DCHS1: variants seen among roughly 807,000 people sequenced by gnomAD.
DCHS1 encodes protocadherin-16.
DCHS1 carries 78 observed loss-of-function variants against 213.9 expected under a neutral mutation model. That is an observed-to-expected ratio of 0.36 (90% CI 0.30 to 0.44). The LOEUF (loss-of-function observed/expected upper bound fraction) is 0.44, where lower values mean the gene tolerates loss of function less well. Among genes scored for constraint, DCHS1 ranks in the 20% least tolerant of loss-of-function variants. The pLI, the probability that DCHS1 is intolerant of heterozygous loss-of-function variation, is 1.00. For synonymous variants in DCHS1, 1,828 were observed against 1,873.7 expected (o/e 0.98, Z 0.63); for missense variants, 3,946 against 4,395.9 (o/e 0.90, Z 2.89).
chr11:6,627,587 C>T lies in DCHS1; in HGVS notation c.5452G>A (p.Glu1818Lys), dbSNP rs1855831942. ...GTMRPLDREV[E>K]PAFQLRIEAR... The stretch of plus-strand genomic sequence containing the variant: ...TCTATCCTCAGCTGGAAAGCTGGCT[C>T]CACTTCTCTGTCTAGTGGCCGCATG... The change falls in exon 14 of 21, where the codon GAG becomes AAG. Residue 1818 changes from glutamate (E) to lysine (K), a missense_variant. Around this residue, in one of 3 missense-constraint regions of DCHS1, gnomAD observed 3,384 missense variants for 3,780.1 expected, o/e 0.90. Transcript: ENST00000299441. The surrounding 1 kb of genome is among the most constrained non-coding windows in gnomAD (Gnocchi z 5.4). 6.2e-7 allele frequency: 1 copy of T among 1,612,964 alleles called. No homozygotes were observed. Among genetic ancestry groups the T allele is most frequent in the Non-Finnish European group, 8.5e-7 (1 of 1,179,750 alleles).
intron 12 of DCHS1, among the ~76,000 whole-genome samples, chr11:6,629,099 C>G (rs1281613077): frequency 6.6e-6 from 1 of 152,188 alleles, no homozygotes; most frequent in African/African-American, 2.4e-5. Flanking sequence ...GTTCAAGTCC[C>G]AGCCCTGCCA....
chr11:6,626,229 C>T lies in DCHS1; in HGVS notation c.6516G>A (p.Leu2172=). 1 of 1,611,994 alleles carries T rather than the reference C, an allele frequency of 6.2e-7. No homozygotes were observed. The highest frequency in any genetic ancestry group is 8.5e-7 in the Non-Finnish European group (1 of 1,179,084). ...QDANDNAPRF[L]RPHYVAFLPE... Reference sequence around the variant, plus strand: ...GAAGGAAGGCCACATAATGGGGCCGCAGGAAACGGGGAGCATTGTCGTTGG... The same window carrying T: ...GAAGGAAGGCCACATAATGGGGCCGTAGGAAACGGGGAGCATTGTCGTTGG... Residue 2172 remains leucine (L), a synonymous_variant, in exon 16 of 21, where the codon CTG becomes CTA. Transcript: ENST00000299441. This position sits in a 1 kb window ranked among gnomAD's most constrained non-coding sequence, Gnocchi z 5.2.
chr11:6,639,685 A>T, intron 2 of DCHS1, 132 bp downstream of exon 2: 1 of 778,376 alleles, frequency 1.3e-6, no homozygotes, highest in Non-Finnish European at 2.0e-6. Context: ...TGGAGCTTAC[A>T]ACATAGGGCA....
Position 6,631,705 on chromosome 11 carries a change from T to C in DCHS1, c.3586A>G (p.Thr1196Ala). Reference sequence around the variant, plus strand: ...AGGTCAAGCACTGCAACATGCACAGTGCCTGTGGTGCTGCGGGGTGGGCTC... The same window carrying C: ...AGGTCAAGCACTGCAACATGCACAGCGCCTGTGGTGCTGCGGGGTGGGCTC... ...GGSPPRSTTG[T>A]VHVAVLDLND... Residue 1196 changes from threonine (T) to alanine (A), a missense_variant, in exon 7 of 21, where the codon ACT (threonine) becomes GCT (alanine). Thr to Ala is a moderately conservative substitution (Grantham distance 58). Coordinates refer to ENST00000299441, the MANE Select transcript of DCHS1 (RefSeq NM_003737.4). The C allele has an allele frequency of 6.2e-7, 1 of 1,610,802 alleles. No homozygotes were observed.
In DCHS1 at chr11:6,630,107, C is replaced by G. The variant is rs781737138; in HGVS notation, c.4687G>C (p.Ala1563Pro). ...RLPEDQPPGP[A>P]ALHVVARDPD... ...TCCCGGGCTACCACGTGCAGGGCCGCGGGCCCAGGCGGCTGGTCCTCTGGG... is the reference window on the plus strand; with the variant it reads ...TCCCGGGCTACCACGTGCAGGGCCGGGGGCCCAGGCGGCTGGTCCTCTGGG... The change falls in exon 10 of 21, where the codon GCG becomes CCG. Residue 1563 changes from alanine to proline, a missense_variant. Ala to Pro is a conservative substitution (Grantham distance 27). Coordinates refer to ENST00000299441, the MANE Select transcript of DCHS1 (RefSeq NM_003737.4). The G allele has an allele frequency of 2.2e-5, 35 of 1,602,732 alleles. No homozygotes were observed. The Admixed American group carries it at 5.9e-4, about 27-fold the overall frequency.
intron 1 of DCHS1, among the ~76,000 whole-genome samples, chr11:6,652,705 G>A (rs148641835): frequency 6.8e-4 from 104 of 152,318 alleles, no homozygotes; most frequent in African/African-American, 1.9e-3. Flanking sequence ...AGAGGATGCA[G>A]ATAAAATTTG....
In DCHS1 at chr11:6,628,728, T is replaced by C. The variant is rs1293027083; in HGVS notation, c.5264A>G (p.His1755Arg). The change falls in exon 13 of 21, where the codon CAT becomes CGT. Residue 1755 changes from histidine to arginine, a missense_variant. Around this residue, in one of 3 missense-constraint regions of DCHS1, gnomAD observed 3,384 missense variants for 3,780.1 expected, o/e 0.90. Transcript: ENST00000299441. The surrounding 1 kb of genome is among the most constrained non-coding windows in gnomAD (Gnocchi z 4.3). ...NDHAPTFGSA[H>R]LSLEVPEGQD... ...GCCCTCAGGCACCTCCAGAGAGAGA[T>C]GGGCACTCCCAAAGGTTGGTGCATG... is the stretch of plus-strand genomic sequence containing the variant. The C allele has an allele frequency of 5.0e-6, 8 of 1,613,896 alleles. No homozygotes were observed. The highest frequency in any genetic ancestry group is 1.3e-5 in the African/African-American group (1 of 74,918).
rs141286088 is a variant in DCHS1 at position 6,632,230 on chromosome 11, G to T, written c.3282C>A (p.Ser1094Arg). 1 of 1,613,556 alleles carries T rather than the reference G, an allele frequency of 6.2e-7. No individual in the cohort carries two copies. The highest frequency in any genetic ancestry group is 1.3e-5 in the African/African-American group (1 of 75,030). ...GACTGTGTTCATTCTGGTTGAGGAT[G>T]CTGACCCTCACGGTGGCTGTGCCTG... ...QQTGTATVRV[S>R]ILNQNEHSPR... The change falls in exon 6 of 21, where the codon AGC (serine) becomes AGA (arginine). Residue 1094 changes from serine to arginine, a missense_variant. Physicochemically the swap from Ser to Arg is moderately radical, Grantham distance 110 (BLOSUM62 -1). This residue lies in a region of DCHS1 where 3,384 missense variants were observed against 3,780.1 expected (regional missense o/e 0.90). Coordinates refer to ENST00000299441, the MANE Select transcript of DCHS1 (RefSeq NM_003737.4). The surrounding 1 kb of genome is among the most constrained non-coding windows in gnomAD (Gnocchi z 5.9).
At position 6,630,835 on chromosome 11, in the gene DCHS1, G is replaced by A. The variant is rs1307973894; in HGVS notation, c.3959C>T (p.Pro1320Leu). The A allele has an allele frequency of 6.5e-7, 1 of 1,528,906 alleles. No individual in the cohort carries two copies. The highest frequency in any genetic ancestry group is 8.8e-7 in the Non-Finnish European group (1 of 1,134,028). 94.7% of individuals were successfully genotyped at this position (1,528,906 alleles called of 1,614,324 possible). A position where few individuals can be genotyped will look rare whatever the true frequency, so the allele number is the denominator to read the frequency against. The change falls in exon 10 of 21, where the codon CCG (proline) becomes CTG (leucine). Residue 1320 changes from proline to leucine, a missense_variant. This residue lies in a region of DCHS1 where 3,384 missense variants were observed against 3,780.1 expected (regional missense o/e 0.90). Coordinates refer to ENST00000299441, the MANE Select transcript of DCHS1 (RefSeq NM_003737.4). ...GTCCCGCTCTGCGAGATCTGGGGGCGGCTCGGCCAAGCGAGCTGAGGGAAG... is the reference window on the plus strand; with the variant it reads ...GTCCCGCTCTGCGAGATCTGGGGGCAGCTCGGCCAAGCGAGCTGAGGGAAG... ...QVLPSARLAE[P>L]PPDLAERDPA...
chr11:6,647,837 G>GA (rs1432092058), intron 1 of DCHS1, among the ~76,000 whole-genome samples: 6 of 152,198 alleles, frequency 3.9e-5, no homozygotes, highest in African/African-American at 7.2e-5. Context: ...AGGGAGGCCT[G>GA]AAAAAGGAAG....
rs1418689660 is a variant in DCHS1 at position 6,629,676 on chromosome 11, G to A, written c.5031C>T (p.Asp1677=). The part of the protein sequence containing the change: ...SLLTLRATDP[D]VGANGQVTYG... ...ATTCACCCCCCCAGGTCTTACCCAC[G>A]TCGGGGTCGGTTGCTCGCAGGGTGA... Residue 1677 remains aspartate, a synonymous_variant, in exon 11 of 21, where the codon GAC becomes GAT. Coordinates refer to ENST00000299441, the MANE Select transcript of DCHS1 (RefSeq NM_003737.4). 1.2e-6 allele frequency: 2 copies of A among 1,613,344 alleles called. No individual in the cohort carries two copies. Among genetic ancestry groups the A allele is most frequent in the Non-Finnish European group, 1.7e-6 (2 of 1,179,696 alleles).
At position 6,641,667 on chromosome 11, in the gene DCHS1, C is replaced by T; in HGVS notation, c.-54G>A. On this transcript the variant is annotated 5_prime_UTR_variant, in exon 2 of 21. Transcript: ENST00000299441. This position sits in a 1 kb window ranked among gnomAD's most constrained non-coding sequence, Gnocchi z 7.1. ...CTCCAGCTCCAGGCCAGGCTCTGGG[C>T]CCAGCTTGACCTCAGACTTTGGGTC... The T allele has an allele frequency of 6.7e-7, 1 of 1,482,592 alleles. No individual in the cohort carries two copies. The highest frequency in any genetic ancestry group is 2.5e-5 in the East Asian group (1 of 40,292). The allele number at this position is 1,482,592 out of a possible 1,614,324, so 91.8% of individuals were successfully genotyped here. A position where few individuals can be genotyped will look rare whatever the true frequency, so the allele number is the denominator to read the frequency against.
intron 4 of DCHS1, 56 bp from the exon 5 acceptor site, chr11:6,633,704 G>T (rs1855947204): frequency 1.9e-6 from 3 of 1,605,388 alleles, no homozygotes; most frequent in South Asian, 2.2e-5. Context: ...GGCTAGAAAG[G>T]TTATGGAGGA....
chr11:6,627,137 G>T lies in DCHS1; in HGVS notation c.5902C>A (p.Arg1968Ser). The T allele has an allele frequency of 6.2e-7, 1 of 1,612,630 alleles. No homozygotes were observed. The highest frequency in any genetic ancestry group is 8.5e-7 in the Non-Finnish European group (1 of 1,179,254). The change falls in exon 14 of 21, where the codon CGT becomes AGT. Residue 1968 changes from arginine to serine, a missense_variant. By Grantham distance (110) the Arg-to-Ser change is moderately radical. Transcript: ENST00000299441. The surrounding 1 kb of genome is among the most constrained non-coding windows in gnomAD (Gnocchi z 5.4). ...AAGCTGGGGCCTGGGCGGGGCAGAC[G>T]TAGGCGCAGAGGACTGGTGGGGAAG... ...PTFPTSPLRL[R>S]LPRPGPSFST...
In DCHS1 at chr11:6,630,318, G is replaced by C. The variant is rs1041489241; in HGVS notation, c.4476C>G (p.Thr1492=). 1.7e-4 allele frequency: 234 copies of C among 1,357,948 alleles called. No homozygotes were observed. Among genetic ancestry groups the C allele is most frequent in the Non-Finnish European group, 2.1e-4 (226 of 1,058,762 alleles). The allele number at this position is 1,357,948 out of a possible 1,614,324, so 84.1% of individuals were successfully genotyped here. The change falls in exon 10 of 21, where the codon ACC becomes ACG. Residue 1492 remains threonine (T), a synonymous_variant. Transcript: ENST00000299441. Reference sequence around the variant, plus strand: ...GGCCGCGCGGAGCGCTGAGCGCCCCGGTGCGCGCGTCCAGGCGAAGCGCCG... The same window carrying C: ...GGCCGCGCGGAGCGCTGAGCGCCCCCGTGCGCGCGTCCAGGCGAAGCGCCG... The part of the protein sequence containing the change: ...PVPALRLDAR[T]GALSAPRGLD...
rs1220853413 is a variant in DCHS1 at position 6,622,087 on chromosome 11, G to A, written c.9589C>T (p.Pro3197Ser). The A allele has an allele frequency of 4.3e-6, 7 of 1,612,628 alleles. No homozygotes were observed. The highest frequency in any genetic ancestry group is 5.1e-6 in the Non-Finnish European group (6 of 1,179,656). ...KDEARPCPPA[P>S]RIDPPPLITA... ...ATGAGGGGTGGTGGGTCGATACGGG[G>A]AGCTGGGGGACATGGCCGAGCTTCA... Residue 3197 changes from proline to serine, a missense_variant, in exon 21 of 21, where the codon CCC (proline) becomes TCC (serine). Around this residue, in one of 3 missense-constraint regions of DCHS1, gnomAD observed 554 missense variants for 590.2 expected, o/e 0.94. Transcript: ENST00000299441. The surrounding 1 kb of genome is among the most constrained non-coding windows in gnomAD (Gnocchi z 5.4).
rs367654026 is a variant in DCHS1, at chr11:6,626,807, G to A, written c.6232C>T (p.Arg2078Cys). 5.9e-5 allele frequency: 95 copies of A among 1,612,354 alleles called. No individual in the cohort carries two copies. The highest frequency in any genetic ancestry group is 8.9e-5 in the East Asian group (4 of 44,874). Reference sequence around the variant, plus strand: ...GACCCACCTGGGGGCGCATTCTCACGAATCGTAGCCTCACTGCTAGCCCGG... The same window carrying A: ...GACCCACCTGGGGGCGCATTCTCACAAATCGTAGCCTCACTGCTAGCCCGG... Reference protein sequence around the residue: ...FPRASSEATIRENAPPGTPIV... With the variant: ...FPRASSEATICENAPPGTPIV... Residue 2078 changes from arginine (R) to cysteine (C), a missense_variant, in exon 14 of 21, where the codon CGT becomes TGT. Around this residue, in one of 3 missense-constraint regions of DCHS1, gnomAD observed 3,384 missense variants for 3,780.1 expected, o/e 0.90. Transcript: ENST00000299441. The surrounding 1 kb of genome is among the most constrained non-coding windows in gnomAD (Gnocchi z 5.2).
At chr11:6,647,094 C>A (rs543492720) in intron 1 of DCHS1, among the ~76,000 whole-genome samples, 1 of 152,224 alleles carries the variant, frequency 6.6e-6, no homozygotes, top group Admixed American at 6.5e-5. Context: ...GGAGGGGCGC[C>A]ACAAAAGGTA....
intron 1 of DCHS1, among the ~76,000 whole-genome samples, chr11:6,642,970 G>T (rs1013295630): frequency 6.6e-6 from 1 of 152,166 alleles, no homozygotes; most frequent in Non-Finnish European, 1.5e-5. Context: ...GAAGTAGAGA[G>T]GCCGGGCTTG....
Sources: gnomAD v4.1 joint callset for allele counts (sites outside exome capture counted in the v4.1 genomes callset) on GRCh38, gnomAD v4.1.1 for gene constraint, gnomAD v4.1.1 regional missense constraint, Gnocchi (gnomAD v3.1) non-coding constraint, MANE v1.5 for transcripts, NCBI Gene and HGNC (gene_info 2026-07-23, HGNC 2026-07-21) for gene names.